The following STARD13 variants were observed in gnomAD, a reference collection of about 807,000 sequenced individuals.
STARD13 encodes the protein StAR related lipid transfer domain containing 13.
STARD13 carries 62 observed loss-of-function variants against 106.4 expected under a neutral mutation model. The observed-to-expected ratio is 0.58, with a 90% CI of 0.48 to 0.72. STARD13 has a LOEUF of 0.72. STARD13 is among the 30% of genes least tolerant of loss of function. The pLI is 0.00. For synonymous variants in STARD13, 565 were observed against 553.0 expected, an observed-to-expected ratio of 1.02 and a Z score of -0.31; for missense variants, 1,387 against 1,424.0, an observed-to-expected ratio of 0.97 and a Z score of 0.42.
At chr13:33,544,823 G>A in the STARD13 span, among the ~76,000 whole-genome samples, 9 of 148,392 alleles carry the variant, frequency 6.1e-5, no homozygotes, top group African/African-American at 2.2e-4. Flanking sequence ...GCCCAGGCTG[G>A]AGTGCAGTGG....
chr13:33,617,082 G>C, the STARD13 span, among the ~76,000 whole-genome samples: 4 of 152,274 alleles, frequency 2.6e-5, no homozygotes, highest in East Asian at 7.7e-4. Context: ...AGCGTTGAGT[G>C]CTTTTATTCT....
chr13:33,163,671 C>CATAT (rs534049397), intron 3 of STARD13, among the ~76,000 whole-genome samples: 781 of 62,140 alleles, frequency 0.013, 11 homozygotes, highest in African/African-American at 0.035. Flanking sequence ...ATATATATAA[C>CATAT]ATATATATAA....
the STARD13 span, among the ~76,000 whole-genome samples, chr13:33,412,652 T>C: frequency 2.0e-5 from 3 of 151,760 alleles, no homozygotes; most frequent in Admixed American, 2.0e-4. Flanking sequence ...AAACATTAAT[T>C]GAAAGAAAAA....
the STARD13 span, among the ~76,000 whole-genome samples, chr13:33,464,007 G>A: frequency 2.1e-4 from 20 of 96,376 alleles, no homozygotes; most frequent in Admixed American, 3.4e-4. Context: ...ACAAGACTCC[G>A]TCTCAAAAAA....
At chr13:33,464,241 G>T in the STARD13 span, among the ~76,000 whole-genome samples, 2 of 151,644 alleles carry the variant, frequency 1.3e-5, no homozygotes, top group South Asian at 4.2e-4. Flanking sequence ...TGGATAAAGG[G>T]TATTTTATTA....
chr13:33,505,307 T>G, the STARD13 span, among the ~76,000 whole-genome samples: 1 of 152,178 alleles, frequency 6.6e-6, no homozygotes, highest in Non-Finnish European at 1.5e-5. Flanking sequence ...TTGGTATGGC[T>G]GGAATCCATC....
chr13:33,424,710 C>T, the STARD13 span, among the ~76,000 whole-genome samples: 1 of 152,088 alleles, frequency 6.6e-6, no homozygotes, highest in Non-Finnish European at 1.5e-5. Context: ...TTCTGAATTT[C>T]ATCCTGTGGG....
intron 1 of STARD13, among the ~76,000 whole-genome samples, chr13:33,341,906 CA>C (rs1281748401): frequency 6.6e-6 from 1 of 152,044 alleles, no homozygotes; most frequent in East Asian, 1.9e-4. Flanking sequence ...TCCCCTGCCT[CA>C]GCCTCTGGAG....
At chr13:33,325,509 T>C (rs749792027) in intron 1 of STARD13, among the ~76,000 whole-genome samples, 5 of 152,176 alleles carry the variant, frequency 3.3e-5, no homozygotes, top group Non-Finnish European at 7.4e-5. Flanking sequence ...TGAGGTACTT[T>C]AAAGAATTTT....
the STARD13 span, among the ~76,000 whole-genome samples, chr13:33,404,750 G>C: frequency 6.6e-6 from 1 of 151,740 alleles, no homozygotes; most frequent in Non-Finnish European, 1.5e-5. Context: ...TGGTGGGGGA[G>C]GATGTCAGAA....
chr13:33,404,975 C>T, the STARD13 span, among the ~76,000 whole-genome samples: 1 of 152,174 alleles, frequency 6.6e-6, no homozygotes, highest in African/African-American at 2.4e-5. Flanking sequence ...TTGGGTTTCG[C>T]CATGTTGGCC....
At chr13:33,215,672 A>G (rs7997418) in intron 1 of STARD13, among the ~76,000 whole-genome samples, 14,698 of 152,184 alleles carry the variant, frequency 0.097, 1,354 homozygotes, top group African/African-American at 0.24. Context: ...TTTTCTAGGC[A>G]TCTTAAAAGG....
At chr13:33,592,796 G>A in the STARD13 span, among the ~76,000 whole-genome samples, 1 of 152,174 alleles carries the variant, frequency 6.6e-6, no homozygotes, top group Non-Finnish European at 1.5e-5. Context: ...TGATGTGAAA[G>A]TTTTCAATGT....
At chr13:33,442,708 G>A in the STARD13 span, among the ~76,000 whole-genome samples, 1 of 152,088 alleles carries the variant, frequency 6.6e-6, no homozygotes, top group Admixed American at 6.5e-5. Flanking sequence ...TTAAAAATGA[G>A]CCCCTCATGT....
At chr13:33,559,499 G>A in the STARD13 span, among the ~76,000 whole-genome samples, 28 of 151,556 alleles carry the variant, frequency 1.8e-4, 1 homozygote, top group African/African-American at 6.4e-4. Flanking sequence ...GTCTTTGGGA[G>A]GCAATGAGGT....
At chr13:33,386,744 C>T in the STARD13 span, among the ~76,000 whole-genome samples, 10 of 152,196 alleles carry the variant, frequency 6.6e-5, no homozygotes, top group East Asian at 1.9e-4. Flanking sequence ...AGAAAATATA[C>T]GCCAAGTTCT....
At chr13:33,429,940 C>T in the STARD13 span, among the ~76,000 whole-genome samples, 130 of 141,796 alleles carry the variant, frequency 9.2e-4, no homozygotes, top group Admixed American at 1.4e-3. Flanking sequence ...GGGGGGGGGA[C>T]GGAGTCTCGC....
intron 1 of STARD13, among the ~76,000 whole-genome samples, chr13:33,340,577 A>G (rs1435399377): frequency 6.6e-6 from 1 of 152,206 alleles, no homozygotes; most frequent in South Asian, 2.1e-4. Context: ...TGTTCATTGA[A>G]TTTCCTATAT....
the STARD13 span, among the ~76,000 whole-genome samples, chr13:33,494,106 T>C: frequency 3.3e-5 from 5 of 152,202 alleles, no homozygotes; most frequent in African/African-American, 4.8e-5. Flanking sequence ...GCTCCAATTC[T>C]TTCTGAACTC....
Sources: gnomAD v4.1 joint callset for allele counts (sites outside exome capture counted in the v4.1 genomes callset) on GRCh38, gnomAD v4.1.1 for gene constraint, MANE v1.5 for transcripts, NCBI Gene and HGNC (gene_info 2026-07-23, HGNC 2026-07-21) for gene names.